Variants in PLD5 observed in about 807,000 individuals in gnomAD.
PLD5 encodes the protein phospholipase D family member 5.
In PLD5, 36 loss-of-function variants were observed where a neutral mutation model predicts 61.1. The ratio of observed to expected loss-of-function variants is 0.59; its 90% CI spans 0.45 to 0.78. The LOEUF is 0.78. Among genes scored for constraint, PLD5 ranks in the 30% least tolerant of loss-of-function variants. The pLI, the probability that PLD5 is intolerant of heterozygous loss-of-function variation, is 0.00. For synonymous variants in PLD5, 243 were observed against 242.8 expected (o/e 1.00, Z -0.01); for missense variants, 515 against 644.4 (o/e 0.80, Z 2.17).
intron 1 of PLD5, among the ~76,000 whole-genome samples, chr1:242,503,824 A>G (rs1461256236): frequency 6.6e-6 from 1 of 152,102 alleles, no homozygotes; most frequent in East Asian, 1.9e-4. Flanking sequence ...CGTTGATGGC[A>G]TTTTAACACC....
intron 1 of PLD5, among the ~76,000 whole-genome samples, chr1:242,395,084 T>C (rs985339844): frequency 8.6e-6 from 1 of 116,644 alleles, no homozygotes; most frequent in African/African-American, 3.0e-5. Context: ...TATATATGTA[T>C]ATATATGAAT....
chr1:242,422,806 G>A (rs1357369205), intron 1 of PLD5, among the ~76,000 whole-genome samples: 1 of 150,890 alleles, frequency 6.6e-6, no homozygotes, highest in Non-Finnish European at 1.5e-5. Context: ...TGCCCACATT[G>A]AGGTAACAAT....
At chr1:242,480,801 C>T (rs1667746729) in intron 1 of PLD5, among the ~76,000 whole-genome samples, 2 of 152,254 alleles carry the variant, frequency 1.3e-5, no homozygotes, top group South Asian at 4.1e-4. Context: ...CAATGAGCTG[C>T]AACTACACAC....
chr1:242,456,512 T>C (rs1197071330), intron 1 of PLD5, among the ~76,000 whole-genome samples: 1 of 152,178 alleles, frequency 6.6e-6, no homozygotes, highest in East Asian at 1.9e-4. Context: ...AGATTTAAAG[T>C]GACTGAAACA....
chr1:242,121,641 C>T lies in PLD5; in HGVS notation c.933+2827G>A, dbSNP rs527335858. Among the ~76,000 whole-genome samples the T allele has an allele frequency of 4.7e-3, 711 of 152,204 alleles. 3 individuals carry two copies. The highest frequency in any genetic ancestry group is 8.2e-3 in the Non-Finnish European group (561 of 68,020). ...ATGCTGCTATAAAGACACATGCACACATATGTTTATTGCGGCGCTATTCAC... is the reference window on the plus strand; with the variant it reads ...ATGCTGCTATAAAGACACATGCACATATATGTTTATTGCGGCGCTATTCAC... On this transcript the variant is annotated intron_variant, in intron 6 of 9. Transcript: ENST00000536534.
At chr1:242,200,610 G>A (rs754542555) in intron 5 of PLD5, among the ~76,000 whole-genome samples, 1 of 148,742 alleles carries the variant, frequency 6.7e-6, no homozygotes, top group East Asian at 2.0e-4. Flanking sequence ...TATTAAGTAC[G>A]AGAAACAGTG....
rs944208562 is a variant in PLD5, at chr1:242,083,230, T to C, written c.*6624A>G. 6.6e-6 allele frequency: 1 copy of C among 152,198 alleles called. No individual in the cohort carries two copies. The highest frequency in any genetic ancestry group is 2.1e-4 in the South Asian group (1 of 4,822). 9.4% of individuals were successfully genotyped at this position (152,198 alleles called of 1,614,324 possible). A position where few individuals can be genotyped will look rare whatever the true frequency, so the allele number is the denominator to read the frequency against. ...TCTGGCTGTGCTTCCTATTCATCATTTACTTTCTGGTGTTCAAACTCCCTA... is the reference window on the plus strand; with the variant it reads ...TCTGGCTGTGCTTCCTATTCATCATCTACTTTCTGGTGTTCAAACTCCCTA... On this transcript the variant is annotated 3_prime_UTR_variant, in exon 10 of 10. Transcript: ENST00000536534.
intron 1 of PLD5, among the ~76,000 whole-genome samples, chr1:242,480,233 A>T (rs1572217607): frequency 6.6e-6 from 1 of 152,354 alleles, no homozygotes; most frequent in South Asian, 2.1e-4. Flanking sequence ...GACTTTTTAT[A>T]ATAATGCCAA....
intron 1 of PLD5, among the ~76,000 whole-genome samples, chr1:242,510,133 A>G (rs1668857004): frequency 6.6e-6 from 1 of 152,068 alleles, no homozygotes; most frequent in Non-Finnish European, 1.5e-5. Context: ...GGAGATTTGA[A>G]TCTCAGATAA....
At chr1:242,236,357 C>A (rs965873022) in intron 4 of PLD5, among the ~76,000 whole-genome samples, 5 of 152,156 alleles carry the variant, frequency 3.3e-5, no homozygotes, top group Admixed American at 3.3e-4. Flanking sequence ...CAAGAACTCC[C>A]AGAAACTATG....
Position 242,265,435 on chromosome 1 carries a change from A to T in PLD5, c.509T>A (p.Phe170Tyr), listed in dbSNP as rs2149103415. 1.9e-6 allele frequency: 3 copies of T among 1,610,096 alleles called. No individual in the cohort carries two copies. The highest frequency in any genetic ancestry group is 8.5e-7 in the Non-Finnish European group (1 of 1,177,952). ...CGAAGTCAGCTGGAGCAACTTTTCA[A>T]AAAGACGTTGACCCTGGAAAAAATA... ...HPSACQGQRL[F>Y]EKLLQLTSQN... Residue 170 changes from phenylalanine (F) to tyrosine (Y), a missense_variant, in exon 4 of 10, where the codon TTT becomes TAT. Physicochemically the swap from Phe to Tyr is conservative, Grantham distance 22. This residue lies in a region of PLD5 where 450 missense variants were observed against 598.1 expected (regional missense o/e 0.75). Coordinates refer to ENST00000536534, the MANE Select transcript of PLD5 (RefSeq NM_001372062.1).
chr1:242,106,905 C>T (rs1453635369), intron 8 of PLD5, among the ~76,000 whole-genome samples: 1 of 152,118 alleles, frequency 6.6e-6, no homozygotes, highest in African/African-American at 2.4e-5. Context: ...GAATAGCTTG[C>T]ACCAAGTCTG....
chr1:242,325,494 GAA>G (rs1491267575), intron 2 of PLD5, among the ~76,000 whole-genome samples: 98 of 151,234 alleles, frequency 6.5e-4, no homozygotes, highest in African/African-American at 2.3e-3. Flanking sequence ...AAGGTGGAGA[GAA>G]GAGAGAGAGA....
chr1:242,454,093 GC>G (rs769312381), intron 1 of PLD5, among the ~76,000 whole-genome samples: 21 of 152,158 alleles, frequency 1.4e-4, no homozygotes, highest in Admixed American at 5.2e-4. Context: ...ACTTTGGGAG[GC>G]CAAGGTGGGC....
intron 4 of PLD5, among the ~76,000 whole-genome samples, chr1:242,258,198 C>G (rs1216000350): frequency 6.6e-6 from 1 of 152,154 alleles, no homozygotes; most frequent in South Asian, 2.1e-4. Flanking sequence ...TTTGGATAGG[C>G]ACACTTCCTA....
intron 1 of PLD5, among the ~76,000 whole-genome samples, chr1:242,494,592 C>T (rs71652415): frequency 2.0e-5 from 3 of 152,240 alleles, no homozygotes; most frequent in Non-Finnish European, 4.4e-5. Flanking sequence ...AGAGCAGAAC[C>T]GGCTGGTGTT....
intron 5 of PLD5, among the ~76,000 whole-genome samples, chr1:242,157,438 T>C (rs1019704329): frequency 6.6e-6 from 1 of 152,242 alleles, no homozygotes; most frequent in Non-Finnish European, 1.5e-5. Flanking sequence ...AGAGGTGTTC[T>C]GGTTTTTGGA....
chr1:242,248,929 C>A (rs1672545474), intron 4 of PLD5, among the ~76,000 whole-genome samples: 1 of 152,074 alleles, frequency 6.6e-6, no homozygotes, highest in Non-Finnish European at 1.5e-5. Context: ...GGGCGGATCA[C>A]CTAAGGTCAG....
At chr1:242,134,669 A>G (rs905888277) in intron 5 of PLD5, among the ~76,000 whole-genome samples, 2 of 152,152 alleles carry the variant, frequency 1.3e-5, no homozygotes, top group African/African-American at 4.8e-5. Flanking sequence ...CTTCTGATTC[A>G]TTCCTTTGTG....
Sources: allele counts gnomAD v4.1 joint callset (sites outside exome capture counted in the v4.1 genomes callset), GRCh38; gene constraint gnomAD v4.1.1; regional missense constraint gnomAD v4.1.1; transcripts MANE v1.5; gene names NCBI Gene and HGNC (gene_info 2026-07-23, HGNC 2026-07-21).